Variants in SATB2 observed in about 807,000 individuals in gnomAD.
The protein encoded by SATB2 is SATB homeobox 2, also known as DNA-binding protein SATB2.
SATB2 carries 1 observed loss-of-function variant against 73.4 expected under a neutral mutation model. The observed-to-expected ratio is 0.01, with a 90% CI of 0.00 to 0.06. The LOEUF is 0.06. Ranked by LOEUF, SATB2 falls within the 10% of genes least tolerant of loss-of-function variation. The probability of loss-of-function intolerance (pLI) is 1.00; values close to 1 mark genes in which losing one functional copy is unlikely to be tolerated. For missense variants in SATB2, 459 were observed against 945.8 expected (o/e 0.49, Z 6.75); for synonymous variants, 397 against 367.0 (o/e 1.08, Z -0.93).
In SATB2 at chr2:199,424,046, A is replaced by G. The variant is rs985459079; in HGVS notation, c.346+9292T>C. The G allele has an allele frequency of 2.6e-5, 4 of 152,312 alleles. No individual in the cohort carries two copies. The East Asian group carries it at 7.7e-4, about 29-fold the overall frequency. The allele number at this position is 152,312 out of a possible 1,614,324, so 9.4% of individuals were successfully genotyped here. On this transcript the variant is annotated intron_variant, in intron 3 of 10. Coordinates refer to ENST00000417098, the MANE Select transcript of SATB2 (RefSeq NM_001172509.2). ...ACAAGCTTGTAAAATAGTAGCACAG[A>G]TTTGCTGTTCTGTCCTGAGTGATAT...
intron 3 of SATB2, among the ~76,000 whole-genome samples, 199 bp from the exon 4 acceptor site, chr2:199,382,019 A>C (rs1272520287): frequency 6.6e-6 from 1 of 152,210 alleles, no homozygotes; most frequent in Non-Finnish European, 1.5e-5. Context: ...GAAGGAAAGA[A>C]TGAGGTTTAA....
Position 199,463,686 on chromosome 2 carries a change from G to A in SATB2, c.-141+1150C>T, listed in dbSNP as rs1692530748. ...TAAGGATGTGGCGGGGGATGGGCAG[G>A]TCCCTGGCCCAGGGTACCACCGGGC... is the stretch of plus-strand genomic sequence containing the variant. On this transcript the variant is annotated intron_variant, in intron 1 of 11. Coordinates refer to the SATB2 transcript ENST00000260926. The surrounding 1 kb of genome is among the most constrained non-coding windows in gnomAD (Gnocchi z 6.4). Among the ~76,000 whole-genome samples, 1 of 152,184 alleles carries A rather than the reference G, an allele frequency of 6.6e-6. No homozygotes were observed.
intron 3 of SATB2, among the ~76,000 whole-genome samples, chr2:199,429,005 CAAAAAAAA>C (rs575684723): frequency 1.6e-5 from 1 of 62,672 alleles, no homozygotes; most frequent in African/African-American, 5.1e-5. Context: ...GACTCTGTCT[CAAAAAAAA>C]AAAAAAAAAA....
At chr2:199,433,598 TA>T in intron 2 of SATB2, 84 bp from the exon 3 acceptor site, 1 of 1,230,130 alleles carries the variant, frequency 8.1e-7, no homozygotes, top group Non-Finnish European at 1.2e-6. Flanking sequence ...GCAACAGTTA[TA>T]AAAGTCAGTC....
At chr2:199,289,524 A>G (rs949536030) in intron 10 of SATB2, among the ~76,000 whole-genome samples, 4 of 152,198 alleles carry the variant, frequency 2.6e-5, no homozygotes, top group African/African-American at 9.7e-5. Context: ...GTGTCTCCAC[A>G]CAACGTTGCC....
intron 10 of SATB2, among the ~76,000 whole-genome samples, chr2:199,285,885 T>TTG (rs1692672930): frequency 6.6e-6 from 1 of 150,852 alleles, no homozygotes; most frequent in African/African-American, 2.4e-5. Context: ...CTGTTTTTTT[T>TTG]TTTTTTTTTT....
chr2:199,300,622 A>G (rs1247676891), intron 10 of SATB2, among the ~76,000 whole-genome samples: 1 of 152,096 alleles, frequency 6.6e-6, no homozygotes, highest in Non-Finnish European at 1.5e-5. Flanking sequence ...AAATGACACA[A>G]CTGACTGTGA....
chr2:199,401,857 T>C (rs1475920253), intron 3 of SATB2, among the ~76,000 whole-genome samples: 1 of 152,098 alleles, frequency 6.6e-6, no homozygotes, highest in Non-Finnish European at 1.5e-5. Flanking sequence ...CACTCTAAAT[T>C]AAACAGAAAA....
chr2:199,312,455 C>T lies in SATB2; in HGVS notation c.1543-3498G>A, dbSNP rs549910764. ...ACTGAGTGAATTATAACTGTTTGAG[C>T]ATAGCTAGGAATGTAGAAGGTATCA... On this transcript the variant is annotated intron_variant, in intron 9 of 10. Coordinates refer to ENST00000417098, the MANE Select transcript of SATB2 (RefSeq NM_001172509.2). Among the ~76,000 whole-genome samples the T allele has an allele frequency of 5.3e-5, 8 of 152,278 alleles. 1 individual carries two copies. The highest frequency in any genetic ancestry group is 1.7e-4 in the African/African-American group (7 of 41,546).
At chr2:199,432,156 G>A (rs958897553) in intron 3 of SATB2, among the ~76,000 whole-genome samples, 1 of 152,152 alleles carries the variant, frequency 6.6e-6, no homozygotes, top group Non-Finnish European at 1.5e-5. Flanking sequence ...TTCAGACTGC[G>A]CTGGGATTCA....
At chr2:199,401,067 G>A (rs909583768) in intron 3 of SATB2, among the ~76,000 whole-genome samples, 21 of 152,124 alleles carry the variant, frequency 1.4e-4, no homozygotes, top group African/African-American at 4.3e-4. Flanking sequence ...GCTGTGCCAT[G>A]CTAATATTCT....
intron 5 of SATB2, among the ~76,000 whole-genome samples, chr2:199,378,776 T>G (rs1177547202): frequency 1.3e-5 from 2 of 152,232 alleles, no homozygotes; most frequent in African/African-American, 4.8e-5. Context: ...AAGCATTTTA[T>G]GTAATTTCCA....
At chr2:199,443,605 C>T (rs1348993495) in intron 2 of SATB2, among the ~76,000 whole-genome samples, 1 of 149,296 alleles carries the variant, frequency 6.7e-6, no homozygotes, top group African/African-American at 2.5e-5. Flanking sequence ...GTTTAGAGTT[C>T]AAACAGCAAA....
chr2:199,360,886 G>A (rs1689117410), intron 6 of SATB2, among the ~76,000 whole-genome samples: 1 of 151,890 alleles, frequency 6.6e-6, no homozygotes. Context: ...CCAAAGCCAA[G>A]AGCCTCCAAT....
At chr2:199,391,231 G>C (rs1007042863) in intron 3 of SATB2, among the ~76,000 whole-genome samples, 2 of 151,796 alleles carry the variant, frequency 1.3e-5, no homozygotes, top group Non-Finnish European at 2.9e-5. Flanking sequence ...GGATCACAAG[G>C]GACAGAGATC....
chr2:199,375,935 A>T (rs1315031826), intron 5 of SATB2, among the ~76,000 whole-genome samples: 1 of 152,218 alleles, frequency 6.6e-6, no homozygotes, highest in Non-Finnish European at 1.5e-5. Flanking sequence ...CTTAGAACAA[A>T]AATGCATTCT....
intron 10 of SATB2, among the ~76,000 whole-genome samples, chr2:199,305,423 A>C (rs1687404212): frequency 6.6e-6 from 1 of 152,134 alleles, no homozygotes; most frequent in Non-Finnish European, 1.5e-5. Flanking sequence ...TGGGTGATGA[A>C]ATATCTGTAC....
At chr2:199,331,899 C>T (rs1324197023) in intron 7 of SATB2, among the ~76,000 whole-genome samples, 1 of 152,114 alleles carries the variant, frequency 6.6e-6, no homozygotes, top group African/African-American at 2.4e-5. Context: ...TTATCTCTCA[C>T]ATAAATATTT....
intron 3 of SATB2, among the ~76,000 whole-genome samples, chr2:199,405,317 CA>C (rs777741307): frequency 2.8e-4 from 43 of 152,120 alleles, no homozygotes; most frequent in Admixed American, 3.9e-4. Flanking sequence ...AAGCCAATGA[CA>C]AATGGACTTA....
Sources: gnomAD v4.1 joint callset for allele counts (sites outside exome capture counted in the v4.1 genomes callset) on GRCh38, gnomAD v4.1.1 for gene constraint, Gnocchi (gnomAD v3.1) non-coding constraint, MANE v1.5 for transcripts, NCBI Gene and HGNC (gene_info 2026-07-23, HGNC 2026-07-21) for gene names.